Variants in MAPK9 observed in about 807,000 individuals in gnomAD.
MAPK9 encodes Jun kinase.
In MAPK9, 30 loss-of-function variants were observed where a neutral mutation model predicts 57.1. That is an observed-to-expected ratio of 0.53 (90% CI 0.39 to 0.71). The LOEUF (loss-of-function observed/expected upper bound fraction) is 0.71. Among genes scored for constraint, MAPK9 ranks in the 30% least tolerant of loss-of-function variants. The pLI is 0.00. For synonymous variants in MAPK9, 155 were observed against 177.0 expected (o/e 0.88, Z 0.99); for missense variants, 362 against 521.0 (o/e 0.69, Z 2.97).
At chr5:180,240,534 G>T (rs181304368) in intron 9 of MAPK9, among the ~76,000 whole-genome samples, 1 of 152,186 alleles carries the variant, frequency 6.6e-6, no homozygotes, top group East Asian at 1.9e-4. Context: ...CTGCCACTAC[G>T]CAGTGATTTC....
At chr5:180,281,450 T>C (rs1444983808) in intron 1 of MAPK9, among the ~76,000 whole-genome samples, 3 of 152,236 alleles carry the variant, frequency 2.0e-5, no homozygotes, top group African/African-American at 7.2e-5. Flanking sequence ...AATTGGCAAG[T>C]GGTTCCTAGG....
chr5:180,271,966 T>C, intron 2 of MAPK9, among the ~76,000 whole-genome samples: 1 of 152,246 alleles, frequency 6.6e-6, no homozygotes, highest in Admixed American at 6.5e-5. Flanking sequence ...TTTTAGCCTA[T>C]CATTGACACA....
At chr5:180,289,070 T>C (rs74328910) in intron 1 of MAPK9, among the ~76,000 whole-genome samples, 3,801 of 152,312 alleles carry the variant, frequency 0.025, 155 homozygotes, top group African/African-American at 0.079. Context: ...ACTGTATGTA[T>C]GTAGACCAAA....
chr5:180,252,235 T>C (rs1184553751), intron 5 of MAPK9, among the ~76,000 whole-genome samples: 2 of 152,072 alleles, frequency 1.3e-5, no homozygotes, highest in African/African-American at 4.8e-5. Flanking sequence ...GTGGGCGCTG[T>C]CTGGGCCTCT....
intron 2 of MAPK9, among the ~76,000 whole-genome samples, chr5:180,269,997 A>G (rs9329104): frequency 0.19 from 28,859 of 152,140 alleles, 3,016 homozygotes; most frequent in African/African-American, 0.26. Context: ...ATCTCCTCCT[A>G]CTACTATAGT....
At chr5:180,250,410 C>T (rs1758552731) in intron 5 of MAPK9, among the ~76,000 whole-genome samples, 1 of 152,200 alleles carries the variant, frequency 6.6e-6, no homozygotes, top group African/African-American at 2.4e-5. Flanking sequence ...AAACAACCCA[C>T]ACCCATTCTT....
chr5:180,239,040 A>G (rs1398664137), intron 10 of MAPK9, among the ~76,000 whole-genome samples: 1 of 152,208 alleles, frequency 6.6e-6, no homozygotes, highest in Non-Finnish European at 1.5e-5. Flanking sequence ...TCTCACACCC[A>G]TTTGAATATG....
intron 1 of MAPK9, among the ~76,000 whole-genome samples, chr5:180,291,044 C>G (rs992906275): frequency 6.6e-6 from 1 of 152,172 alleles, no homozygotes; most frequent in African/African-American, 2.4e-5. Context: ...TCACCCAAAA[C>G]GAGACATCTG....
Position 180,236,206 on chromosome 5 carries a change from T to C in MAPK9, c.*178A>G. On this transcript the variant is annotated 3_prime_UTR_variant, in exon 12 of 12. Coordinates refer to ENST00000452135, the MANE Select transcript of MAPK9 (RefSeq NM_002752.5). ...TTGCAATTTTTTTCTTCAGACATAT[T>C]CTGCCTCATTTTATCATCTAAGCAG... 1 of 580,516 alleles carries C rather than the reference T, an allele frequency of 1.7e-6. No individual in the cohort carries two copies. The highest frequency in any genetic ancestry group is 5.6e-5 in the South Asian group (1 of 17,718). The allele number at this position is 580,516 out of a possible 1,614,324, so 36.0% of individuals were successfully genotyped here.
intron 8 of MAPK9, 67 bp from the exon 9 acceptor site, chr5:180,241,222 A>G (rs1757625658): frequency 7.2e-7 from 1 of 1,390,602 alleles, no homozygotes. Flanking sequence ...ACAATAAAGA[A>G]CTAAATATGA....
intron 2 of MAPK9, among the ~76,000 whole-genome samples, chr5:180,276,934 TAAAC>T (rs1442162557): frequency 2.0e-5 from 3 of 150,558 alleles, no homozygotes; most frequent in South Asian, 2.3e-4. Context: ...CAAAAACAAA[TAAAC>T]AAATCAAAGA....
chr5:180,273,889 C>T (rs1431081702), intron 2 of MAPK9, among the ~76,000 whole-genome samples: 2 of 152,184 alleles, frequency 1.3e-5, no homozygotes, highest in South Asian at 2.1e-4. Context: ...CTTCACATCT[C>T]GCAGAGGGAG....
At chr5:180,250,961 G>A (rs1325766155) in intron 5 of MAPK9, among the ~76,000 whole-genome samples, 3 of 152,220 alleles carry the variant, frequency 2.0e-5, no homozygotes, top group Admixed American at 6.5e-5. Context: ...GAACGAATTC[G>A]CTTCTTGTTT....
In MAPK9 at chr5:180,239,976, T is replaced by C. The variant is rs1161534828; in HGVS notation, c.1008A>G (p.Gln336=). 5 of 1,613,462 alleles carry C rather than the reference T, an allele frequency of 3.1e-6. No homozygotes were observed. Among genetic ancestry groups the C allele is most frequent in the East Asian group, 4.5e-5 (2 of 44,866 alleles). The change falls in exon 10 of 12, where the codon CAA becomes CAG. Residue 336 remains glutamine (Q), a synonymous_variant. Coordinates refer to ENST00000452135, the MANE Select transcript of MAPK9 (RefSeq NM_002752.5). The part of the protein sequence containing the change: ...DPAEAEAPPP[Q]IYDAQLEERE... ...TTTCTTCCAACTGGGCATCATAAAT[T>C]TGAGGTGGTGGCTAAAAATTAAATC...
rs148899868 is a variant in MAPK9 at position 180,252,021 on chromosome 5, C to T, written c.451-2883G>A. ...CACTCTTGAGGATGAATGGACACAG[C>T]TCTAAGTAGACACTGAAACCCGAAG... On this transcript the variant is annotated intron_variant, in intron 5 of 11. Transcript: ENST00000452135. Among the ~76,000 whole-genome samples, 247 of 152,268 alleles carry T rather than the reference C, an allele frequency of 1.6e-3. 1 individual carries two copies. The highest frequency in any genetic ancestry group is 5.8e-3 in the African/African-American group (240 of 41,542).
At chr5:180,268,098 A>C (rs1046963990) in intron 3 of MAPK9, among the ~76,000 whole-genome samples, 1 of 152,164 alleles carries the variant, frequency 6.6e-6, no homozygotes, top group Non-Finnish European at 1.5e-5. Context: ...TGCTGGGATT[A>C]CAGGCGTGAG....
At chr5:180,281,912 A>G (rs571370809) in intron 1 of MAPK9, among the ~76,000 whole-genome samples, 2 of 152,314 alleles carry the variant, frequency 1.3e-5, no homozygotes, top group South Asian at 4.1e-4. Context: ...GATGCTGGAC[A>G]AACAGCTGCT....
intron 2 of MAPK9, among the ~76,000 whole-genome samples, chr5:180,271,385 C>T (rs1012175446): frequency 3.9e-5 from 6 of 152,156 alleles, no homozygotes; most frequent in Admixed American, 3.9e-4. Context: ...CACCTACTCC[C>T]CATTACGAAA....
At chr5:180,238,277 A>T in intron 11 of MAPK9, 55 bp downstream of exon 11, 1 of 1,472,852 alleles carries the variant, frequency 6.8e-7, no homozygotes, top group South Asian at 1.2e-5. Flanking sequence ...CTCAAAAAAA[A>T]AAAGTTGAAT....
Sources: allele counts gnomAD v4.1 joint callset (sites outside exome capture counted in the v4.1 genomes callset), GRCh38; gene constraint gnomAD v4.1.1; transcripts MANE v1.5; gene names NCBI Gene and HGNC (gene_info 2026-07-23, HGNC 2026-07-21).